Variants in PCDHGA2 observed in about 807,000 individuals in gnomAD.
PCDHGA2 encodes protocadherin gamma-A2.
A neutral mutation model predicts 59.2 loss-of-function variants in PCDHGA2; 40 were observed. The ratio of observed to expected loss-of-function variants is 0.68; its 90% confidence interval spans 0.52 to 0.88. The LOEUF (loss-of-function observed/expected upper bound fraction) is 0.88, where lower values mean the gene tolerates loss of function less well. Ranked by LOEUF, PCDHGA2 falls within the 40% of genes least tolerant of loss-of-function variation. The pLI is 0.00. For missense variants in PCDHGA2, 1,226 were observed against 1,204.0 expected (o/e 1.02, Z -0.27); for synonymous variants, 560 against 526.0 (o/e 1.06, Z -0.89).
Position 141,431,535 on chromosome 5 carries a change from C to T in PCDHGA2, c.2425-63272C>T. On this transcript the variant is annotated intron_variant, in intron 1 of 3. Coordinates refer to ENST00000394576, the MANE Select transcript of PCDHGA2 (RefSeq NM_018915.4). This position sits in a 1 kb window ranked among gnomAD's most constrained non-coding sequence, Gnocchi z 4.8. ...GTTCCGGAGAATCTGGCCTTGGGCA[C>T]GCAGCTGCTTGTAGTCAACGCTACC... is the stretch of plus-strand genomic sequence containing the variant. 3 of 1,614,076 alleles carry T rather than the reference C, an allele frequency of 1.9e-6. No individual in the cohort carries two copies. Among genetic ancestry groups the T allele is most frequent in the Non-Finnish European group, 2.5e-6 (3 of 1,180,038 alleles).
intron 1 of PCDHGA2, among the ~76,000 whole-genome samples, chr5:141,406,468 T>C (rs2094813433): frequency 6.6e-6 from 1 of 152,230 alleles, no homozygotes; most frequent in Admixed American, 6.5e-5. Flanking sequence ...AACACCTCTT[T>C]GAGGTTATAT....
chr5:141,373,902 T>G (rs973881316), intron 1 of PCDHGA2: 8 of 577,832 alleles, frequency 1.4e-5, no homozygotes, highest in Admixed American at 3.7e-5. Context: ...AGTTACATCC[T>G]CCAACAACAA....
rs994878374 is a variant in PCDHGA2, at chr5:141,491,785, C to T, written c.2425-3022C>T. ...TCCTCATAAGGGATTGAACTTGCAT[C>T]CACTCCTCTCCGGCCGGCTTGGTCG... is the stretch of plus-strand genomic sequence containing the variant. On this transcript the variant is annotated intron_variant, in intron 1 of 3. Transcript: ENST00000394576. The surrounding 1 kb of genome is among the most constrained non-coding windows in gnomAD (Gnocchi z 6.9). 20 of 1,529,458 alleles carry T rather than the reference C, an allele frequency of 1.3e-5. No individual in the cohort carries two copies. Among genetic ancestry groups the T allele is most frequent in the Non-Finnish European group, 1.8e-5 (20 of 1,139,198 alleles). The allele number at this position is 1,529,458 out of a possible 1,614,324, so 94.7% of individuals were successfully genotyped here. A position where few individuals can be genotyped will look rare whatever the true frequency, so the allele number is the denominator to read the frequency against.
At chr5:141,478,090 C>T in intron 1 of PCDHGA2, 2 of 1,614,108 alleles carry the variant, frequency 1.2e-6, no homozygotes, top group Non-Finnish European at 1.7e-6. Flanking sequence ...CGCTCTCCAC[C>T]ACTGCTACCC....
chr5:141,408,533 G>A, intron 1 of PCDHGA2: 1 of 1,614,056 alleles, frequency 6.2e-7, no homozygotes, highest in Non-Finnish European at 8.5e-7. Flanking sequence ...AGCTGTGGTG[G>A]AAAATCCTTT....
chr5:141,501,693 G>T (rs1417828433), intron 2 of PCDHGA2, among the ~76,000 whole-genome samples: 1 of 152,028 alleles, frequency 6.6e-6, no homozygotes, highest in Non-Finnish European at 1.5e-5. Context: ...TATCTGCAGG[G>T]TGATTCCGAG....
Position 141,490,225 on chromosome 5 carries a change from G to A in PCDHGA2, c.2425-4582G>A, listed in dbSNP as rs2099697468. On this transcript the variant is annotated intron_variant, in intron 1 of 3. Coordinates refer to ENST00000394576, the MANE Select transcript of PCDHGA2 (RefSeq NM_018915.4). This position sits in a 1 kb window ranked among gnomAD's most constrained non-coding sequence, Gnocchi z 5.4. The stretch of plus-strand genomic sequence containing the variant: ...AAGAGCCCGTGACCAGGGACAGCCT[G>A]CCATGGAGGGCCACTGTGTGATTCA... The A allele has an allele frequency of 6.2e-7, 1 of 1,614,112 alleles. No homozygotes were observed. The highest frequency in any genetic ancestry group is 1.1e-5 in the South Asian group (1 of 91,090).
intron 2 of PCDHGA2, among the ~76,000 whole-genome samples, chr5:141,498,338 G>T (rs2237079): frequency 2.6e-5 from 4 of 151,600 alleles, no homozygotes; most frequent in Non-Finnish European, 5.9e-5. Flanking sequence ...CATTCCAAAT[G>T]GGAAAAGCCT....
At chr5:141,502,169 G>A (rs1366413076) in intron 2 of PCDHGA2, among the ~76,000 whole-genome samples, 1 of 152,110 alleles carries the variant, frequency 6.6e-6, no homozygotes, top group African/African-American at 2.4e-5. Flanking sequence ...ATTCAGTTGA[G>A]GAATTTAACA....
At position 141,490,276 on chromosome 5, in the gene PCDHGA2, A is replaced by T; in HGVS notation, c.2425-4531A>T. 1 of 1,614,236 alleles carries T rather than the reference A, an allele frequency of 6.2e-7. No individual in the cohort carries two copies. Among genetic ancestry groups the T allele is most frequent in the Non-Finnish European group, 8.5e-7 (1 of 1,180,036 alleles). On this transcript the variant is annotated intron_variant, in intron 1 of 3. Transcript: ENST00000394576. This position sits in a 1 kb window ranked among gnomAD's most constrained non-coding sequence, Gnocchi z 5.4. ...AGTGGATGTGGGGGATGTCAATGACAATGCCCCAGAGGTGCTATTGGCCTC... is the reference window on the plus strand; with the variant it reads ...AGTGGATGTGGGGGATGTCAATGACTATGCCCCAGAGGTGCTATTGGCCTC...
rs768330265 is a variant in PCDHGA2, at chr5:141,340,823, T to G, written c.1852T>G (p.Ser618Ala). ...LLKASEPGLF[S>A]VGLHTGEVRT... ...CAAGGCCAGCGAGCCGGGACTCTTC[T>G]CGGTGGGTCTGCACACGGGCGAGGT... The change falls in exon 1 of 4, where the codon TCG becomes GCG. Residue 618 changes from serine (S) to alanine (A), a missense_variant. By Grantham distance (99) the Ser-to-Ala change is moderately conservative. Coordinates refer to ENST00000394576, the MANE Select transcript of PCDHGA2 (RefSeq NM_018915.4). The G allele has an allele frequency of 1.2e-6, 2 of 1,613,808 alleles. No homozygotes were observed. The highest frequency in any genetic ancestry group is 1.7e-6 in the Non-Finnish European group (2 of 1,179,996).
intron 1 of PCDHGA2, chr5:141,375,864 T>G: frequency 6.2e-7 from 1 of 1,613,866 alleles, no homozygotes; most frequent in African/African-American, 1.3e-5. Context: ...GTGGTGGCGG[T>G]GGACAGAGAC....
At position 141,486,641 on chromosome 5, in the gene PCDHGA2, A is replaced by C; in HGVS notation, c.2425-8166A>C. On this transcript the variant is annotated intron_variant, in intron 1 of 3. Transcript: ENST00000394576. The surrounding 1 kb of genome is among the most constrained non-coding windows in gnomAD (Gnocchi z 5.0). ...CCCAGACTCTGGCTTGAATGCGCTTATCTCCTACTCACTCCTGGAGCCCAG... is the reference window on the plus strand; with the variant it reads ...CCCAGACTCTGGCTTGAATGCGCTTCTCTCCTACTCACTCCTGGAGCCCAG... 6.2e-7 allele frequency: 1 copy of C among 1,613,734 alleles called. No individual in the cohort carries two copies. The highest frequency in any genetic ancestry group is 1.6e-4 in the Middle Eastern group (1 of 6,062).
At position 141,364,360 on chromosome 5, in the gene PCDHGA2, C is replaced by G. The variant is rs200312693; in HGVS notation, c.2424+22965C>G. 3.8e-6 allele frequency: 6 copies of G among 1,558,464 alleles called. No individual in the cohort carries two copies. The highest frequency in any genetic ancestry group is 1.7e-4 in the Middle Eastern group (1 of 5,766). On this transcript the variant is annotated intron_variant, in intron 1 of 3. Coordinates refer to ENST00000394576, the MANE Select transcript of PCDHGA2 (RefSeq NM_018915.4). ...CGAGTCCACCTAGGGGCTGGGGCTGCGGAGAGCTGCTGCTGCCCTTCATGC... is the reference window on the plus strand; with the variant it reads ...CGAGTCCACCTAGGGGCTGGGGCTGGGGAGAGCTGCTGCTGCCCTTCATGC...
intron 2 of PCDHGA2, among the ~76,000 whole-genome samples, chr5:141,497,642 C>T (rs1426920174): frequency 1.3e-5 from 2 of 151,352 alleles, no homozygotes; most frequent in Middle Eastern, 3.4e-3. Context: ...CAGGTTCAAG[C>T]GATTCTCCTG....
In PCDHGA2 at chr5:141,397,217, T is replaced by C. The variant is rs534809290; in HGVS notation, c.2424+55822T>C. On this transcript the variant is annotated intron_variant, in intron 1 of 3. Transcript: ENST00000394576. The stretch of plus-strand genomic sequence containing the variant: ...AAAGATATGACATAAGAGAAGTATT[T>C]TGAGATATGAAGAAGAGCAACGTAG... Among the ~76,000 whole-genome samples, 15 of 152,296 alleles carry C rather than the reference T, an allele frequency of 9.8e-5. No individual in the cohort carries two copies. In the East Asian group the frequency reaches 2.5e-3, roughly 25 times the overall value.
chr5:141,364,009 G>C (rs1763143334), intron 1 of PCDHGA2, among the ~76,000 whole-genome samples: 1 of 152,092 alleles, frequency 6.6e-6, no homozygotes, highest in Non-Finnish European at 1.5e-5. Context: ...CATAAACAAC[G>C]CTACACAGTT....
At chr5:141,444,152 A>ATTTTTTTTTTTTTTTTT (rs747671382) in intron 1 of PCDHGA2, among the ~76,000 whole-genome samples, 1 of 33,898 alleles carries the variant, frequency 3.0e-5, no homozygotes, top group African/African-American at 1.4e-4. Context: ...TGTGTACTGG[A>ATTTTTTTTTTTTTTTTT]TTTTTTTTTT....
intron 1 of PCDHGA2, chr5:141,393,455 C>T (rs1007871650): frequency 2.1e-5 from 34 of 1,613,942 alleles, no homozygotes; most frequent in Non-Finnish European, 2.9e-5. Flanking sequence ...TCCTCACGGC[C>T]TCGGATGGCG....
Sources: gnomAD v4.1 joint callset for allele counts (sites outside exome capture counted in the v4.1 genomes callset) on GRCh38, gnomAD v4.1.1 for gene constraint, Gnocchi (gnomAD v3.1) non-coding constraint, MANE v1.5 for transcripts, NCBI Gene and HGNC (gene_info 2026-07-23, HGNC 2026-07-21) for gene names.